Variants in MID1 observed in about 807,000 individuals in gnomAD.
The protein encoded by MID1 is midline 1.
A neutral mutation model predicts 40.4 loss-of-function variants in MID1; 7 were observed. That is an observed-to-expected ratio of 0.17 (90% CI 0.10 to 0.33). MID1 has a LOEUF of 0.33. MID1 is among the 10% of genes least tolerant of loss of function. The probability of loss-of-function intolerance (pLI) is 1.00; values close to 1 mark genes in which losing one functional copy is unlikely to be tolerated. For synonymous variants in MID1, 229 were observed against 221.2 expected, an observed-to-expected ratio of 1.04 and a Z score of -0.31; for missense variants, 367 against 558.5, an observed-to-expected ratio of 0.66 and a Z score of 3.46.
chrX:10,655,921 G>T (rs1268817307), intron 1 of MID1, among the ~76,000 whole-genome samples: 2 of 110,520 alleles, frequency 1.8e-5, no homozygotes, highest in African/African-American at 6.6e-5. Flanking sequence ...GTGACCCCAA[G>T]TGAGCCAAGC....
chrX:10,515,409 C>G (rs996085981), intron 3 of MID1, among the ~76,000 whole-genome samples: 2 of 111,940 alleles, frequency 1.8e-5, no homozygotes, highest in Admixed American at 1.9e-4. Context: ...AATTAAACAG[C>G]CTTAATTCCT....
chrX:10,642,195 G>C (rs778843250), intron 1 of MID1, among the ~76,000 whole-genome samples: 53 of 111,404 alleles, frequency 4.8e-4, no homozygotes, highest in South Asian at 7.5e-4. Flanking sequence ...AGAAATAAAG[G>C]GTATTCAATT....
At chrX:10,571,355 A>G (rs1057325833) in intron 1 of MID1, among the ~76,000 whole-genome samples, 3 of 112,176 alleles carry the variant, frequency 2.7e-5, no homozygotes, top group Non-Finnish European at 5.6e-5. Context: ...TGGCATAGAT[A>G]GCATTTTTGT....
intron 1 of MID1, among the ~76,000 whole-genome samples, chrX:10,588,018 A>C (rs898177430): frequency 3.6e-5 from 4 of 112,163 alleles, no homozygotes; most frequent in Middle Eastern, 4.2e-3. Context: ...TGGTGCTTTA[A>C]GAAAAACCTG....
At chrX:10,732,195 T>A (rs2043454563) in intron 1 of MID1, among the ~76,000 whole-genome samples, 1 of 110,606 alleles carries the variant, frequency 9.0e-6, no homozygotes, top group Non-Finnish European at 1.9e-5. Flanking sequence ...TATACCATAG[T>A]CAGTGCAATA....
chrX:10,582,259 T>C (rs1569115115), intron 1 of MID1, among the ~76,000 whole-genome samples: 2 of 111,236 alleles, frequency 1.8e-5, no homozygotes, highest in Admixed American at 1.9e-4. Context: ...TTGTCTTTAA[T>C]ATAATGAACA....
chrX:10,599,096 T>A (rs1935468891), intron 1 of MID1, among the ~76,000 whole-genome samples: 1 of 111,572 alleles, frequency 9.0e-6, no homozygotes, highest in African/African-American at 3.3e-5. Context: ...TCTTAACCCT[T>A]CAAGAATCCA....
chrX:10,575,658 G>T (rs1282831699), intron 1 of MID1, among the ~76,000 whole-genome samples: 1 of 111,284 alleles, frequency 9.0e-6, no homozygotes, highest in East Asian at 2.8e-4. Flanking sequence ...AAGCAGGTGG[G>T]TTAGCAAAGG....
At chrX:10,617,180 C>T (rs531389951) in intron 1 of MID1, among the ~76,000 whole-genome samples, 1 of 112,310 alleles carries the variant, frequency 8.9e-6, no homozygotes, top group East Asian at 2.8e-4. Context: ...CATCCCCAGA[C>T]TTGCCCCTAA....
At chrX:10,827,382 A>G (rs1383955607) in intron 1 of MID1, among the ~76,000 whole-genome samples, 1 of 110,262 alleles carries the variant, frequency 9.1e-6, no homozygotes, top group Non-Finnish European at 1.9e-5. Flanking sequence ...TTAGGAGAAG[A>G]GAAGTTGCAC....
At chrX:10,540,943 G>C (rs1466514698) in intron 2 of MID1, among the ~76,000 whole-genome samples, 4 of 112,111 alleles carry the variant, frequency 3.6e-5, no homozygotes, top group Non-Finnish European at 7.5e-5. Flanking sequence ...TTGGCACTTT[G>C]GTTTCAAATC....
At chrX:10,738,213 C>A (rs1250305712) in intron 1 of MID1, among the ~76,000 whole-genome samples, 1 of 112,238 alleles carries the variant, frequency 8.9e-6, no homozygotes, top group Non-Finnish European at 1.9e-5. Context: ...TTATGTTTTC[C>A]TTCTTCTGTT....
At chrX:10,661,452 A>G (rs2042911807) in intron 1 of MID1, among the ~76,000 whole-genome samples, 1 of 109,148 alleles carries the variant, frequency 9.2e-6, no homozygotes, top group African/African-American at 3.4e-5. Context: ...AGCTGGGACT[A>G]CAGGCACCCA....
rs762656612 is a variant in MID1, at chrX:10,497,866, T to G, written c.757-2175A>C. 8.9e-5 allele frequency among the ~76,000 whole-genome samples: 10 copies of G among 112,043 alleles called. No individual in the cohort carries two copies. In the South Asian group the frequency reaches 3.7e-3, roughly 42 times the overall value. ...TTCAGCTGTTGTATTAAATAAGGTATCTATTCCAAGCACCTGGTGCCATGT... is the reference window on the plus strand; with the variant it reads ...TTCAGCTGTTGTATTAAATAAGGTAGCTATTCCAAGCACCTGGTGCCATGT... On this transcript the variant is annotated intron_variant, in intron 3 of 9. Transcript: ENST00000317552.
At chrX:10,577,436 A>C (rs1379580889) in intron 1 of MID1, among the ~76,000 whole-genome samples, 1 of 111,707 alleles carries the variant, frequency 9.0e-6, no homozygotes, top group African/African-American at 3.3e-5. Context: ...TTAATGTATA[A>C]TGTCTGGAAG....
intron 1 of MID1, among the ~76,000 whole-genome samples, chrX:10,733,080 T>C (rs995049265): frequency 4.5e-5 from 5 of 110,659 alleles, no homozygotes; most frequent in African/African-American, 1.6e-4. Context: ...GCCAGGATGG[T>C]CTCGATCTCC....
rs183740779 is a variant in MID1 at position 10,772,967 on chromosome X, A to C, written c.-187+60587T>G. On this transcript the variant is annotated intron_variant, in intron 1 of 10. Transcript: ENST00000380785. The stretch of plus-strand genomic sequence containing the variant: ...TGGTAGCTCATCTTTAAAATATATT[A>C]ACTATAAGTATGAAATTGGACTTGA... 7.9e-3 allele frequency among the ~76,000 whole-genome samples: 879 copies of C among 111,248 alleles called. 9 individuals carry two copies. Among genetic ancestry groups the C allele is most frequent in the African/African-American group, 0.027 (825 of 30,726 alleles).
At chrX:10,605,375 A>C (rs1404877789) in intron 1 of MID1, among the ~76,000 whole-genome samples, 3 of 111,855 alleles carry the variant, frequency 2.7e-5, no homozygotes. Context: ...CACCAGGAGA[A>C]TGCATGCAGT....
chrX:10,527,819 T>A (rs767785748), intron 2 of MID1, among the ~76,000 whole-genome samples: 15 of 111,449 alleles, frequency 1.3e-4, no homozygotes, highest in Admixed American at 3.8e-4. Context: ...AGCACATGGG[T>A]CCACAGCAAC....
Sources: allele counts gnomAD v4.1 joint callset (sites outside exome capture counted in the v4.1 genomes callset), GRCh38; gene constraint gnomAD v4.1.1; transcripts MANE v1.5; gene names NCBI Gene and HGNC (gene_info 2026-07-23, HGNC 2026-07-21).